TRHDE: variants seen among roughly 807,000 people sequenced by gnomAD.
TRHDE encodes the protein thyrotropin-releasing hormone-degrading ectoenzyme.
Under a neutral mutation model 125.7 loss-of-function variants are expected in TRHDE, and 72 were observed. The observed-to-expected ratio is 0.57, with a 90% confidence interval of 0.47 to 0.70. The LOEUF (loss-of-function observed/expected upper bound fraction) is 0.70, where lower values mean the gene tolerates loss of function less well. Ranked by LOEUF, TRHDE falls within the 30% of genes least tolerant of loss-of-function variation. The pLI, the probability that TRHDE is intolerant of heterozygous loss-of-function variation, is 0.00. For missense variants in TRHDE, 1,110 were observed against 1,327.1 expected, an observed-to-expected ratio of 0.84 and a Z score of 2.54; for synonymous variants, 509 against 509.1, an observed-to-expected ratio of 1.00 and a Z score of 0.00.
chr12:72,651,388 A>G (rs1380607716), intron 15 of TRHDE, among the ~76,000 whole-genome samples: 1 of 152,042 alleles, frequency 6.6e-6, no homozygotes, highest in African/African-American at 2.4e-5. Context: ...TTTAATCATC[A>G]TGGTCCTAAA....
At chr12:72,547,717 T>C (rs1869487589) in intron 7 of TRHDE, among the ~76,000 whole-genome samples, 1 of 151,732 alleles carries the variant, frequency 6.6e-6, no homozygotes, top group African/African-American at 2.4e-5. Flanking sequence ...AGATTATGTG[T>C]TCTCCCAACC....
At chr12:72,302,408 C>G (rs542172684) in intron 2 of TRHDE, among the ~76,000 whole-genome samples, 1 of 152,100 alleles carries the variant, frequency 6.6e-6, no homozygotes, top group South Asian at 2.1e-4. Context: ...AAAAATCATT[C>G]AAGTAATTTT....
chr12:72,252,810 A>G (rs1878715266), intron 2 of TRHDE, among the ~76,000 whole-genome samples: 1 of 152,044 alleles, frequency 6.6e-6, no homozygotes, highest in Non-Finnish European at 1.5e-5. Flanking sequence ...GATTTCTTTC[A>G]TCAGCATTTG....
At chr12:72,240,353 G>GTA (rs1485877771) in intron 2 of TRHDE, among the ~76,000 whole-genome samples, 64 of 147,776 alleles carry the variant, frequency 4.3e-4, no homozygotes, top group African/African-American at 1.5e-3. Flanking sequence ...ATATATTTGT[G>GTA]TATATATATA....
chr12:72,115,403 G>A (rs1184057170), intron 2 of TRHDE, among the ~76,000 whole-genome samples: 1 of 151,902 alleles, frequency 6.6e-6, no homozygotes, highest in Non-Finnish European at 1.5e-5. Flanking sequence ...GCTGAATTGT[G>A]CTCCATTGCA....
At chr12:72,558,352 G>A (rs1870019214) in intron 7 of TRHDE, among the ~76,000 whole-genome samples, 1 of 152,148 alleles carries the variant, frequency 6.6e-6, no homozygotes, top group South Asian at 2.1e-4. Flanking sequence ...AGGCAAAGGA[G>A]AAAAGAATAT....
intron 1 of TRHDE, among the ~76,000 whole-genome samples, chr12:72,089,614 A>T (rs978447098): frequency 1.3e-5 from 2 of 152,118 alleles, no homozygotes; most frequent in Non-Finnish European, 2.9e-5. Context: ...TTCAAATCAT[A>T]CCTTCTTAAT....
intron 3 of TRHDE, among the ~76,000 whole-genome samples, chr12:72,391,363 C>G (rs933903309): frequency 6.6e-6 from 1 of 152,054 alleles, no homozygotes; most frequent in Non-Finnish European, 1.5e-5. Context: ...ATATGGTAGT[C>G]GTAAATGAAG....
At chr12:72,151,156 T>G (rs1000181348) in intron 2 of TRHDE, among the ~76,000 whole-genome samples, 8 of 152,218 alleles carry the variant, frequency 5.3e-5, no homozygotes, top group Admixed American at 3.9e-4. Context: ...CCAGTGATGG[T>G]GAGCATTTTT....
intron 2 of TRHDE, among the ~76,000 whole-genome samples, chr12:72,215,714 A>G (rs553149744): frequency 1.1e-4 from 17 of 152,272 alleles, no homozygotes; most frequent in African/African-American, 4.1e-4. Flanking sequence ...GTTTAAAAGG[A>G]CAGATGGAAA....
chr12:72,507,759 A>G (rs959500966), intron 6 of TRHDE, among the ~76,000 whole-genome samples: 2 of 152,234 alleles, frequency 1.3e-5, no homozygotes, highest in Non-Finnish European at 2.9e-5. Flanking sequence ...GACAATGGGG[A>G]AAAATGCCTT....
intron 4 of TRHDE, among the ~76,000 whole-genome samples, chr12:72,471,840 A>T (rs1333352493): frequency 6.6e-6 from 1 of 152,146 alleles, no homozygotes; most frequent in East Asian, 1.9e-4. Context: ...TGGCTCCTAA[A>T]GCCATACATG....
intron 2 of TRHDE, among the ~76,000 whole-genome samples, chr12:72,114,549 A>G (rs563272695): frequency 1.3e-5 from 2 of 152,306 alleles, no homozygotes; most frequent in South Asian, 2.1e-4. Context: ...CTTCACCTTT[A>G]TATTGTCTTC....
intron 1 of TRHDE, among the ~76,000 whole-genome samples, 195 bp from the exon 2 acceptor site, chr12:72,286,486 T>C (rs1406196766): frequency 1.3e-5 from 2 of 152,220 alleles, no homozygotes; most frequent in Non-Finnish European, 2.9e-5. Context: ...GAAACCTCCC[T>C]GAAAAACTTT....
intron 2 of TRHDE, among the ~76,000 whole-genome samples, chr12:72,208,730 G>A (rs1448091589): frequency 6.6e-6 from 1 of 152,130 alleles, no homozygotes; most frequent in African/African-American, 2.4e-5. Context: ...TATACTTATT[G>A]ACTGTTATTA....
At chr12:72,459,771 C>T (rs1011370930) in intron 3 of TRHDE, among the ~76,000 whole-genome samples, 4 of 152,108 alleles carry the variant, frequency 2.6e-5, no homozygotes, top group Non-Finnish European at 5.9e-5. Context: ...AGGTTTGCAC[C>T]ACCATGCCCA....
chr12:72,278,665 A>G (rs1879581838), intron 1 of TRHDE, among the ~76,000 whole-genome samples: 1 of 152,092 alleles, frequency 6.6e-6, no homozygotes, highest in Non-Finnish European at 1.5e-5. Context: ...TTGACATCTC[A>G]CTGTGGTTGC....
intron 7 of TRHDE, among the ~76,000 whole-genome samples, chr12:72,553,201 C>T (rs2135999865): frequency 6.6e-6 from 1 of 152,178 alleles, no homozygotes; most frequent in Non-Finnish European, 1.5e-5. Context: ...TTATCATAAG[C>T]TCAGCTTTTC....
At chr12:72,512,221 G>A (rs571419625) in intron 6 of TRHDE, among the ~76,000 whole-genome samples, 2 of 151,594 alleles carry the variant, frequency 1.3e-5, no homozygotes, top group East Asian at 1.9e-4. Flanking sequence ...CTGCTTTCAC[G>A]GCTTTCAGAA....
Sources: gnomAD v4.1 joint callset for allele counts (sites outside exome capture counted in the v4.1 genomes callset) on GRCh38, gnomAD v4.1.1 for gene constraint, MANE v1.5 for transcripts, NCBI Gene and HGNC (gene_info 2026-07-23, HGNC 2026-07-21) for gene names.